RBFOX1: variants seen among roughly 807,000 people sequenced by gnomAD.
The protein encoded by RBFOX1 is RNA binding protein fox-1 homolog 1.
RBFOX1 carries 8 observed loss-of-function variants against 57.7 expected under a neutral mutation model. That is an observed-to-expected ratio of 0.14 (90% confidence interval 0.08 to 0.25). The LOEUF (loss-of-function observed/expected upper bound fraction) is 0.25. RBFOX1 is among the 10% of genes least tolerant of loss of function. The pLI, the probability that RBFOX1 is intolerant of heterozygous loss-of-function variation, is 1.00. For synonymous variants in RBFOX1, 326 were observed against 222.4 expected, an observed-to-expected ratio of 1.47 and a Z score of -4.15; for missense variants, 611 against 548.5, an observed-to-expected ratio of 1.11 and a Z score of -1.14.
At chr16:5,444,061 A>G (rs1326240177) in intron 1 of RBFOX1, among the ~76,000 whole-genome samples, 1 of 147,632 alleles carries the variant, frequency 6.8e-6, no homozygotes, top group East Asian at 2.0e-4. Context: ...GCACTAATGA[A>G]TTGTTCTGTT....
chr16:6,562,087 C>T (rs1266841858), intron 2 of RBFOX1, among the ~76,000 whole-genome samples: 1 of 152,178 alleles, frequency 6.6e-6, no homozygotes, highest in Admixed American at 6.5e-5. Context: ...TGTTCAGCTG[C>T]ATTTCTACTG....
intron 4 of RBFOX1, among the ~76,000 whole-genome samples, chr16:7,356,772 G>A (rs142964062): frequency 5.9e-5 from 9 of 152,338 alleles, no homozygotes; most frequent in Non-Finnish European, 1.3e-4. Flanking sequence ...ACTCTCACAT[G>A]GCTTCTGCAG....
intron 4 of RBFOX1, among the ~76,000 whole-genome samples, chr16:6,000,609 C>G (rs1000865789): frequency 6.6e-6 from 1 of 151,900 alleles, no homozygotes; most frequent in African/African-American, 2.4e-5. Context: ...AATAGAATTA[C>G]TTAAATATTT....
intron 4 of RBFOX1, among the ~76,000 whole-genome samples, chr16:7,107,650 C>G (rs1045934863): frequency 6.6e-6 from 1 of 152,108 alleles, no homozygotes; most frequent in Non-Finnish European, 1.5e-5. Context: ...CCACCCTCCC[C>G]AAAACAACCA....
At chr16:6,049,164 A>G (rs1262520558) in intron 1 of RBFOX1, among the ~76,000 whole-genome samples, 5 of 150,320 alleles carry the variant, frequency 3.3e-5, no homozygotes, top group Non-Finnish European at 5.9e-5. Flanking sequence ...CTGGGGTTCA[A>G]GTGATTCTCC....
intron 2 of RBFOX1, among the ~76,000 whole-genome samples, chr16:6,639,164 A>C (rs1363160370): frequency 6.6e-6 from 1 of 152,208 alleles, no homozygotes; most frequent in African/African-American, 2.4e-5. Flanking sequence ...TTTTCAAATC[A>C]TGTGCGCTAG....
intron 3 of RBFOX1, among the ~76,000 whole-genome samples, chr16:6,688,855 T>G (rs1433973350): frequency 2.0e-5 from 3 of 152,154 alleles, no homozygotes; most frequent in Non-Finnish European, 4.4e-5. Flanking sequence ...TTCTCATTGT[T>G]CAACTCCCAC....
intron 9 of RBFOX1, among the ~76,000 whole-genome samples, chr16:7,605,267 G>T: frequency 6.6e-6 from 1 of 152,022 alleles, no homozygotes. Flanking sequence ...TTATTTTTAC[G>T]TCACTATAGA....
At chr16:6,481,564 G>T (rs2095371555) in intron 2 of RBFOX1, among the ~76,000 whole-genome samples, 1 of 152,162 alleles carries the variant, frequency 6.6e-6, no homozygotes, top group Admixed American at 6.5e-5. Flanking sequence ...GTGTGTGCTG[G>T]GTTAATAATA....
At chr16:7,530,114 G>A (rs1391542763) in intron 5 of RBFOX1, among the ~76,000 whole-genome samples, 1 of 152,024 alleles carries the variant, frequency 6.6e-6, no homozygotes, top group Non-Finnish European at 1.5e-5. Context: ...ACAGTGCAGA[G>A]ATTCATAGAA....
In RBFOX1 at chr16:6,344,409, T is replaced by TTTTTTTTTTTC. The variant is rs933575270; in HGVS notation, c.-64+27362_-64+27363insCTTTTTTTTTT. Reference sequence around the variant, plus strand: ...TCTTCTTCTTTTTTCTTTTTTTTCTTTTTTTTTTTTGAGACAGAGTCTCTA... The same window carrying TTTTTTTTTTTC: ...TCTTCTTCTTTTTTCTTTTTTTTCTTTTTTTTTTTTCTTTTTTTTTTGAGACAGAGTCTCTA... On this transcript the variant is annotated intron_variant, in intron 2 of 15. Coordinates refer to ENST00000550418, the MANE Select transcript of RBFOX1 (RefSeq NM_018723.4). Among the ~76,000 whole-genome samples the TTTTTTTTTTTC allele has an allele frequency of 1.5e-5, 2 of 134,146 alleles. 1 individual carries two copies. The highest frequency in any genetic ancestry group is 6.1e-5 in the African/African-American group (2 of 32,772). The allele number at this position is 134,146 out of a possible 152,430, so 88.0% of individuals were successfully genotyped here. A position where few individuals can be genotyped will look rare whatever the true frequency, so the allele number is the denominator to read the frequency against.
chr16:5,640,574 C>T (rs974377110), intron 3 of RBFOX1, among the ~76,000 whole-genome samples: 2 of 151,820 alleles, frequency 1.3e-5, no homozygotes, highest in Non-Finnish European at 2.9e-5. Flanking sequence ...CATATGCACA[C>T]ACATACACAG....
intron 3 of RBFOX1, among the ~76,000 whole-genome samples, chr16:7,039,748 G>A (rs945231419): frequency 3.3e-5 from 5 of 152,052 alleles, no homozygotes; most frequent in African/African-American, 4.8e-5. Flanking sequence ...ACCATACGTC[G>A]GATTATAGGA....
intron 4 of RBFOX1, among the ~76,000 whole-genome samples, chr16:5,996,106 C>G (rs189880854): frequency 1.9e-4 from 29 of 152,248 alleles, no homozygotes; most frequent in Admixed American, 9.2e-4. Context: ...TCTGAAGGAT[C>G]TCACCTCCTA....
chr16:5,639,107 C>G (rs552047671), intron 3 of RBFOX1, among the ~76,000 whole-genome samples: 1 of 152,356 alleles, frequency 6.6e-6, no homozygotes, highest in South Asian at 2.1e-4. Flanking sequence ...TACCTCTACT[C>G]TAGAGACTAG....
At chr16:6,535,915 C>T (rs1187636739) in intron 2 of RBFOX1, among the ~76,000 whole-genome samples, 3 of 152,176 alleles carry the variant, frequency 2.0e-5, no homozygotes, top group Admixed American at 1.3e-4. Context: ...TGCAGTCTCC[C>T]TCTAGAGATG....
chr16:6,670,825 G>C (rs1326474414), intron 3 of RBFOX1, among the ~76,000 whole-genome samples: 4 of 151,722 alleles, frequency 2.6e-5, no homozygotes, highest in African/African-American at 9.7e-5. Flanking sequence ...GTGAAACCCT[G>C]TCTCTACTAA....
chr16:6,923,189 C>G (rs1019201785), intron 3 of RBFOX1, among the ~76,000 whole-genome samples: 1 of 152,280 alleles, frequency 6.6e-6, no homozygotes, highest in East Asian at 1.9e-4. Context: ...TGCTCCTGGT[C>G]TTCAGTTGCC....
chr16:6,647,437 G>T (rs2098542923), intron 2 of RBFOX1, among the ~76,000 whole-genome samples: 1 of 152,060 alleles, frequency 6.6e-6, no homozygotes, highest in Non-Finnish European at 1.5e-5. Flanking sequence ...GAAATCCAAT[G>T]GGGTTTCACC....
Sources: allele counts gnomAD v4.1 joint callset (sites outside exome capture counted in the v4.1 genomes callset), GRCh38; gene constraint gnomAD v4.1.1; transcripts MANE v1.5; gene names NCBI Gene and HGNC (gene_info 2026-07-23, HGNC 2026-07-21).